Variants in CEP70 observed in about 807,000 individuals in gnomAD.
The protein encoded by CEP70 is centrosomal protein of 70 kDa.
In CEP70, 70 loss-of-function variants were observed where a neutral mutation model predicts 90.9. That is an observed-to-expected ratio of 0.77 (90% CI 0.64 to 0.94). The LOEUF is 0.94. Among genes scored for constraint, CEP70 ranks in the 40% least tolerant of loss-of-function variants. CEP70 has a pLI of 0.00. For missense variants in CEP70, 648 were observed against 669.0 expected, an observed-to-expected ratio of 0.97 and a Z score of 0.35; for synonymous variants, 220 against 228.3, an observed-to-expected ratio of 0.96 and a Z score of 0.33.
intron 6 of CEP70, among the ~76,000 whole-genome samples, chr3:138,550,517 C>A (rs1160080956): frequency 6.6e-6 from 1 of 152,166 alleles, no homozygotes; most frequent in East Asian, 1.9e-4. Flanking sequence ...GCATGTGCCA[C>A]CACGCTTGGC....
At chr3:138,522,928 G>T (rs2036816748) in intron 11 of CEP70, among the ~76,000 whole-genome samples, 1 of 152,090 alleles carries the variant, frequency 6.6e-6, no homozygotes, top group South Asian at 2.1e-4. Flanking sequence ...CAAAAAAAGA[G>T]AATTTTAGAC....
chr3:138,528,670 G>A (rs575020997), intron 10 of CEP70, among the ~76,000 whole-genome samples: 1 of 152,162 alleles, frequency 6.6e-6, no homozygotes, highest in East Asian at 1.9e-4. Context: ...GCAACACAAG[G>A]AGACCCCATC....
chr3:138,572,910 A>G lies in CEP70; in HGVS notation c.18T>C (p.Pro6=), dbSNP rs2041275717. ...ATGGTTGACTGGAATCCTGGGGTTT[A>G]GGGGCTACCGGAAACATAGTTACTT... MFPVA[P]KPQDSSQPSD... The change falls in exon 3 of 18, where the codon CCT becomes CCC. Residue 6 remains proline (P), a synonymous_variant. Transcript: ENST00000264982. 6.2e-7 allele frequency: 1 copy of G among 1,611,484 alleles called. No homozygotes were observed. Among genetic ancestry groups the G allele is most frequent in the Non-Finnish European group, 8.5e-7 (1 of 1,178,396 alleles).
chr3:138,497,899 G>C (rs1560267203), intron 17 of CEP70, 132 bp downstream of exon 17: 20 of 1,496,130 alleles, frequency 1.3e-5, no homozygotes, highest in Non-Finnish European at 1.5e-5. Context: ...TGTAAGGAAT[G>C]TGTTTCCAGA....
At chr3:138,560,473 G>T (rs1006983626) in intron 6 of CEP70, among the ~76,000 whole-genome samples, 218 of 144,438 alleles carry the variant, frequency 1.5e-3, no homozygotes, top group African/African-American at 4.7e-3. Context: ...AGGAGTTTTT[G>T]TTTTTTTTTT....
intron 6 of CEP70, among the ~76,000 whole-genome samples, chr3:138,547,179 C>T (rs2039276134): frequency 6.6e-6 from 1 of 152,168 alleles, no homozygotes; most frequent in South Asian, 2.1e-4. Context: ...GTGTCAGTCC[C>T]ACCTGTTTCT....
chr3:138,574,624 G>A (rs182829251), intron 2 of CEP70, among the ~76,000 whole-genome samples: 13 of 152,294 alleles, frequency 8.5e-5, no homozygotes, highest in South Asian at 2.1e-4. Context: ...CTCTGAGAAC[G>A]GACAGACTGC....
At chr3:138,534,967 C>A (rs1161850718) in intron 7 of CEP70, among the ~76,000 whole-genome samples, 1 of 152,172 alleles carries the variant, frequency 6.6e-6, no homozygotes, top group African/African-American at 2.4e-5. Context: ...TAGCCCTCTA[C>A]TACTACAACC....
chr3:138,540,609 G>A (rs1088055), intron 6 of CEP70, among the ~76,000 whole-genome samples: 1 of 151,938 alleles, frequency 6.6e-6, no homozygotes, highest in African/African-American at 2.4e-5. Context: ...GCAAGGCAAG[G>A]TTGCAGAGGA....
chr3:138,579,820 T>C (rs1441955387), intron 2 of CEP70, among the ~76,000 whole-genome samples: 1 of 151,926 alleles, frequency 6.6e-6, no homozygotes, highest in Non-Finnish European at 1.5e-5. Flanking sequence ...ACAGACCCCT[T>C]CTGCTTGAGA....
chr3:138,530,795 A>G (rs6439810), intron 8 of CEP70: 480,204 of 984,608 alleles, frequency 0.49, 120,248 homozygotes, highest in African/African-American at 0.79. Flanking sequence ...ACTTCTTTAG[A>G]TGATACCTAT....
intron 2 of CEP70, among the ~76,000 whole-genome samples, chr3:138,582,895 C>T (rs1023660365): frequency 6.6e-6 from 1 of 151,300 alleles, no homozygotes; most frequent in South Asian, 2.1e-4. Context: ...TAAAACATAC[C>T]ACCTAAGAAA....
intron 3 of CEP70, 58 bp downstream of exon 3, chr3:138,572,801 T>C: frequency 9.2e-7 from 1 of 1,084,280 alleles, no homozygotes; most frequent in South Asian, 1.3e-5. Context: ...TGTTTGTAGA[T>C]GTAGCATTCT....
At chr3:138,534,754 C>T (rs760477527) in intron 7 of CEP70, among the ~76,000 whole-genome samples, 8 of 152,174 alleles carry the variant, frequency 5.3e-5, no homozygotes, top group Admixed American at 3.9e-4. Context: ...CCTGATATGT[C>T]TACTTGGATG....
intron 10 of CEP70, 37 bp downstream of exon 10, chr3:138,529,162 C>T (rs1205931509): frequency 1.5e-6 from 2 of 1,302,204 alleles, no homozygotes; most frequent in Non-Finnish European, 1.1e-6. Flanking sequence ...GAGACCCTGT[C>T]TCAGGAAAAA....
At chr3:138,495,677 A>C (rs2033908828) in intron 17 of CEP70, 1 of 160,524 alleles carries the variant, frequency 6.2e-6, no homozygotes, top group African/African-American at 2.4e-5. Context: ...CACGGTGAAA[A>C]CCCACCTCTA....
Position 138,571,145 on chromosome 3 carries a change from A to G in CEP70, c.173T>C (p.Phe58Ser). 1 of 1,595,250 alleles carries G rather than the reference A, an allele frequency of 6.3e-7. No homozygotes were observed. The highest frequency in any genetic ancestry group is 1.1e-5 in the South Asian group (1 of 88,046). The change falls in exon 5 of 18, where the codon TTT becomes TCT. Residue 58 changes from phenylalanine (F) to serine (S), a missense_variant. Transcript: ENST00000264982. Reference protein sequence around the residue: ...KRTDLKDLIIFDKQSSQRMRQ... With the variant: ...KRTDLKDLIISDKQSSQRMRQ... ...CATCCTTTGTGATGACTGTTTGTCAAAAATGATGAGATCTACATTTAAAAA... is the reference window on the plus strand; with the variant it reads ...CATCCTTTGTGATGACTGTTTGTCAGAAATGATGAGATCTACATTTAAAAA...
At position 138,529,423 on chromosome 3, in the gene CEP70, G is replaced by A. The variant is rs766910524; in HGVS notation, c.732C>T (p.Asn244=). The change falls in exon 9 of 18, where the codon AAC becomes AAT. Residue 244 remains asparagine, a synonymous_variant. Transcript: ENST00000264982. ...GTGAGGCATCCAGATTTCTGTAGTC[G>A]TTTTCTTCTTCTGACTGACTTTCAT... is the stretch of plus-strand genomic sequence containing the variant. ...KEDESQSEEE[N]DYRNLDASPT... 41 of 1,611,480 alleles carry A rather than the reference G, an allele frequency of 2.5e-5. No individual in the cohort carries two copies. Among genetic ancestry groups the A allele is most frequent in the East Asian group, 8.9e-5 (4 of 44,800 alleles).
At chr3:138,504,243 T>C (rs1380577418) in intron 13 of CEP70, among the ~76,000 whole-genome samples, 1 of 152,234 alleles carries the variant, frequency 6.6e-6, no homozygotes, top group Non-Finnish European at 1.5e-5. Context: ...AGTATATTAA[T>C]CTAGCACTGT....
Sources: gnomAD v4.1 joint callset for allele counts (sites outside exome capture counted in the v4.1 genomes callset) on GRCh38, gnomAD v4.1.1 for gene constraint, MANE v1.5 for transcripts, NCBI Gene and HGNC (gene_info 2026-07-23, HGNC 2026-07-21) for gene names.